Variants in GNA13 observed in about 807,000 individuals in gnomAD.
GNA13 encodes G protein subunit alpha 13, also known as guanine nucleotide-binding protein subunit alpha-13.
GNA13 carries 4 observed loss-of-function variants against 33.5 expected under a neutral mutation model. The observed-to-expected ratio is 0.12, with a 90% CI of 0.06 to 0.27. The LOEUF (loss-of-function observed/expected upper bound fraction) is 0.27. Ranked by LOEUF, GNA13 falls within the 10% of genes least tolerant of loss-of-function variation. The probability of loss-of-function intolerance (pLI) is 1.00; values close to 1 mark genes in which losing one functional copy is unlikely to be tolerated. For synonymous variants in GNA13, 176 were observed against 183.8 expected, an observed-to-expected ratio of 0.96 and a Z score of 0.34; for missense variants, 319 against 487.2, an observed-to-expected ratio of 0.65 and a Z score of 3.25.
chr17:65,021,279 G>A (rs1906574175), intron 2 of GNA13, among the ~76,000 whole-genome samples: 1 of 152,186 alleles, frequency 6.6e-6, no homozygotes, highest in Non-Finnish European at 1.5e-5. Context: ...TTGAGTATTA[G>A]AAGTCTATGA....
chr17:65,009,427 CCATT>C lies in GNA13; in HGVS notation c.*4826_*4829del, dbSNP rs1906096686. Among the ~76,000 whole-genome samples, 1 of 152,082 alleles carries C rather than the reference CCATT, an allele frequency of 6.6e-6. No individual in the cohort carries two copies. The highest frequency in any genetic ancestry group is 2.4e-5 in the African/African-American group (1 of 41,416). The stretch of plus-strand genomic sequence containing the variant: ...TAGCAACTCATTTTATAAAATCAAA[CCATT>C]CTTTCCACTTTTAGACCTCCTTTAG... On this transcript the variant is annotated 3_prime_UTR_variant, in exon 4 of 4. Coordinates refer to ENST00000439174, the MANE Select transcript of GNA13 (RefSeq NM_006572.6).
intron 2 of GNA13, among the ~76,000 whole-genome samples, chr17:65,023,103 G>C (rs1397688941): frequency 6.6e-6 from 1 of 152,218 alleles, no homozygotes; most frequent in Admixed American, 6.5e-5. Context: ...CAGAGAAGCT[G>C]AGAAAACACT....
At chr17:65,015,099 T>C (rs1906316533) in intron 3 of GNA13, among the ~76,000 whole-genome samples, 1 of 152,056 alleles carries the variant, frequency 6.6e-6, no homozygotes, top group Non-Finnish European at 1.5e-5. Flanking sequence ...CAAGACCCAC[T>C]TGTGCTCCCC....
chr17:65,033,386 C>G (rs906373100), intron 2 of GNA13, among the ~76,000 whole-genome samples: 1 of 151,574 alleles, frequency 6.6e-6, no homozygotes, highest in African/African-American at 2.4e-5. Flanking sequence ...TACTAGGAGG[C>G]TGAAGCAGAA....
intron 2 of GNA13, among the ~76,000 whole-genome samples, chr17:65,029,189 T>C (rs1384868484): frequency 6.6e-6 from 1 of 152,210 alleles, no homozygotes; most frequent in Admixed American, 6.5e-5. Flanking sequence ...TTAGCATGTC[T>C]CGTGTTTGAA....
intron 2 of GNA13, among the ~76,000 whole-genome samples, chr17:65,033,439 A>T (rs998432186): frequency 6.6e-6 from 1 of 152,000 alleles, no homozygotes; most frequent in African/African-American, 2.4e-5. Context: ...GTGAGCTATG[A>T]TTGCACCACT....
At chr17:65,046,959 T>C (rs541982443) in intron 2 of GNA13, among the ~76,000 whole-genome samples, 10 of 152,122 alleles carry the variant, frequency 6.6e-5, no homozygotes, top group African/African-American at 2.4e-4. Context: ...CCCAAAAAAA[T>C]GCGAACATGA....
At position 65,053,586 on chromosome 17, in the gene GNA13, G is replaced by A. The variant is rs1227774695; in HGVS notation, c.426C>T (p.Phe142=). 3 of 1,613,922 alleles carry A rather than the reference G, an allele frequency of 1.9e-6. No individual in the cohort carries two copies. Among genetic ancestry groups the A allele is most frequent in the Non-Finnish European group, 2.5e-6 (3 of 1,179,802 alleles). The part of the protein sequence containing the change: ...AAQGMVETRV[F]LQYLPAIRAL... ...CTCTTATAGCAGGAAGATATTGTAA[G>A]AAAACCCTTGTTTCCACCATTCCTT... The change falls in exon 2 of 4, where the codon TTC becomes TTT. Residue 142 remains phenylalanine, a synonymous_variant. Coordinates refer to ENST00000439174, the MANE Select transcript of GNA13 (RefSeq NM_006572.6).
At chr17:65,041,992 C>T (rs541827808) in intron 2 of GNA13, among the ~76,000 whole-genome samples, 2 of 152,256 alleles carry the variant, frequency 1.3e-5, no homozygotes, top group East Asian at 3.9e-4. Flanking sequence ...CAAAGACACA[C>T]AAGGACTAGC....
chr17:65,009,694 G>C lies in GNA13; in HGVS notation c.*4563C>G, dbSNP rs933568253. ...TTGTGGTAAATGAGCTCTCACCAGA[G>C]TAGAGTAGTTTAGAAAAGCCATTTC... On this transcript the variant is annotated 3_prime_UTR_variant, in exon 4 of 4. Transcript: ENST00000439174. Among the ~76,000 whole-genome samples, 5 of 152,174 alleles carry C rather than the reference G, an allele frequency of 3.3e-5. No homozygotes were observed. The highest frequency in any genetic ancestry group is 7.3e-5 in the Non-Finnish European group (5 of 68,032).
At chr17:65,038,002 C>T (rs1907320247) in intron 2 of GNA13, among the ~76,000 whole-genome samples, 1 of 152,096 alleles carries the variant, frequency 6.6e-6, no homozygotes, top group Admixed American at 6.6e-5. Flanking sequence ...CTGGTATCTC[C>T]ACCCATACAT....
rs1906145829 is a variant in GNA13 at position 65,010,392 on chromosome 17, A to G, written c.*3865T>C. On this transcript the variant is annotated 3_prime_UTR_variant, in exon 4 of 4. Transcript: ENST00000439174. Reference sequence around the variant, plus strand: ...AGCCCTAACCTCGTACCATAAAAAAATGGGCATGTGCTGTATTTGGGACAT... The same window carrying G: ...AGCCCTAACCTCGTACCATAAAAAAGTGGGCATGTGCTGTATTTGGGACAT... Among the ~76,000 whole-genome samples the G allele has an allele frequency of 6.6e-6, 1 of 152,110 alleles. No individual in the cohort carries two copies. Among genetic ancestry groups the G allele is most frequent in the South Asian group, 2.1e-4 (1 of 4,810 alleles).
At chr17:65,034,576 G>A (rs555367385) in intron 2 of GNA13, among the ~76,000 whole-genome samples, 2 of 152,142 alleles carry the variant, frequency 1.3e-5, no homozygotes, top group South Asian at 4.2e-4. Flanking sequence ...GGGATTAAAG[G>A]TGTGAGCCAC....
chr17:65,039,317 A>G (rs1378518998), intron 2 of GNA13, among the ~76,000 whole-genome samples: 2 of 152,194 alleles, frequency 1.3e-5, no homozygotes, highest in Non-Finnish European at 2.9e-5. Context: ...GACGAAGAAC[A>G]GTATCTGGTG....
chr17:65,012,179 A>G lies in GNA13; in HGVS notation c.*2078T>C, dbSNP rs548378531. 7.7e-5 allele frequency: 17 copies of G among 221,484 alleles called. No homozygotes were observed. The highest frequency in any genetic ancestry group is 5.9e-4 in the East Asian group (9 of 15,142). The allele number at this position is 221,484 out of a possible 1,614,324, so 13.7% of individuals were successfully genotyped here. A position where few individuals can be genotyped will look rare whatever the true frequency, so the allele number is the denominator to read the frequency against. On this transcript the variant is annotated 3_prime_UTR_variant, in exon 4 of 4. Coordinates refer to ENST00000439174, the MANE Select transcript of GNA13 (RefSeq NM_006572.6). Reference sequence around the variant, plus strand: ...TTGGTGATTTCTGCTTTGTCAGGCAATATCTATGGTTCGTATCACAGATCT... The same window carrying G: ...TTGGTGATTTCTGCTTTGTCAGGCAGTATCTATGGTTCGTATCACAGATCT...
chr17:65,056,607 CCGCCGCCTCGG>C lies in GNA13; in HGVS notation c.-25_-15del. 1 of 1,597,732 alleles carries C rather than the reference CCGCCGCCTCGG, an allele frequency of 6.3e-7. No individual in the cohort carries two copies. Among genetic ancestry groups the C allele is most frequent in the Non-Finnish European group, 8.5e-7 (1 of 1,176,060 alleles). ...GAAGTCCGCCATCTTGCCGCCGCCG[CCGCCGCCTCGG>C]CGGGCCCCTCCGGCTCCCTCCACCT... On this transcript the variant is annotated 5_prime_UTR_variant, in exon 1 of 4. Transcript: ENST00000439174.
chr17:65,043,203 C>G (rs1228390418), intron 2 of GNA13, among the ~76,000 whole-genome samples: 1 of 152,126 alleles, frequency 6.6e-6, no homozygotes, highest in African/African-American at 2.4e-5. Context: ...TGGCACAAAA[C>G]CAAATCCAAT....
In GNA13 at chr17:65,010,166, C is replaced by A. The variant is rs1370234117; in HGVS notation, c.*4091G>T. ...CTGAATGCTACAAGAGTGAACATAA[C>A]TTAAATGCTAACTACACGTTCAAGT... is the stretch of plus-strand genomic sequence containing the variant. On this transcript the variant is annotated 3_prime_UTR_variant, in exon 4 of 4. Transcript: ENST00000439174. Among the ~76,000 whole-genome samples, 1 of 152,196 alleles carries A rather than the reference C, an allele frequency of 6.6e-6. No homozygotes were observed. The highest frequency in any genetic ancestry group is 1.5e-5 in the Non-Finnish European group (1 of 68,036).
chr17:65,019,704 G>A (rs965503264), intron 2 of GNA13, among the ~76,000 whole-genome samples: 1 of 152,212 alleles, frequency 6.6e-6, no homozygotes, highest in Non-Finnish European at 1.5e-5. Flanking sequence ...AGGAGGTGGG[G>A]ACGGCTAATA....
Sources: allele counts gnomAD v4.1 joint callset (sites outside exome capture counted in the v4.1 genomes callset), GRCh38; gene constraint gnomAD v4.1.1; transcripts MANE v1.5; gene names NCBI Gene and HGNC (gene_info 2026-07-23, HGNC 2026-07-21).